The following RBMS3 variants were observed in gnomAD, a reference collection of about 807,000 sequenced individuals.
RBMS3 encodes the protein RNA binding motif single stranded interacting protein 3, also known as RNA-binding motif, single-stranded-interacting protein 3.
A neutral mutation model predicts 66.8 loss-of-function variants in RBMS3; 27 were observed. The observed-to-expected ratio is 0.40, with a 90% CI of 0.30 to 0.56. The LOEUF is 0.56. Ranked by LOEUF, RBMS3 falls within the 20% of genes least tolerant of loss-of-function variation. The pLI, the probability that RBMS3 is intolerant of heterozygous loss-of-function variation, is 0.40. For missense variants in RBMS3, 513 were observed against 549.5 expected (o/e 0.93, Z 0.66); for synonymous variants, 188 against 183.0 (o/e 1.03, Z -0.22).
chr3:29,883,838 A>T (rs2059793289), intron 7 of RBMS3, among the ~76,000 whole-genome samples: 1 of 151,994 alleles, frequency 6.6e-6, no homozygotes, highest in Non-Finnish European at 1.5e-5. Context: ...GAGATGTACA[A>T]TAGGTGTTCT....
At chr3:29,554,767 G>A (rs2046289997) in intron 3 of RBMS3, among the ~76,000 whole-genome samples, 1 of 152,116 alleles carries the variant, frequency 6.6e-6, no homozygotes. Flanking sequence ...TGAGTCATCT[G>A]GTACGGGTGG....
At chr3:29,650,778 A>G (rs1473165983) in intron 4 of RBMS3, among the ~76,000 whole-genome samples, 1 of 152,202 alleles carries the variant, frequency 6.6e-6, no homozygotes, top group Non-Finnish European at 1.5e-5. Flanking sequence ...TCTTTCAGGT[A>G]TGTTAGCTAA....
At chr3:29,672,924 G>A (rs1387057193) in intron 4 of RBMS3, among the ~76,000 whole-genome samples, 1 of 152,190 alleles carries the variant, frequency 6.6e-6, no homozygotes, top group Non-Finnish European at 1.5e-5. Flanking sequence ...TCTGCACCAA[G>A]TGGACCTAAT....
chr3:29,936,502 G>T (rs910752416), intron 11 of RBMS3, among the ~76,000 whole-genome samples: 2 of 151,980 alleles, frequency 1.3e-5, no homozygotes, highest in Non-Finnish European at 2.9e-5. Flanking sequence ...TGCAAATCTA[G>T]ACCCTTTGAC....
At chr3:29,384,694 A>G (rs1239952753) in intron 1 of RBMS3, among the ~76,000 whole-genome samples, 1 of 152,170 alleles carries the variant, frequency 6.6e-6, no homozygotes, top group Non-Finnish European at 1.5e-5. Flanking sequence ...TCTAAATATA[A>G]AGGTCTGAGA....
intron 6 of RBMS3, among the ~76,000 whole-genome samples, chr3:29,823,029 G>A (rs1172455356): frequency 6.6e-6 from 1 of 152,076 alleles, no homozygotes; most frequent in Non-Finnish European, 1.5e-5. Flanking sequence ...TAGCATTGAG[G>A]AGATAATGAA....
At chr3:29,319,915 G>C (rs1012262094) in intron 1 of RBMS3, among the ~76,000 whole-genome samples, 2 of 151,378 alleles carry the variant, frequency 1.3e-5, no homozygotes, top group Non-Finnish European at 2.9e-5. Flanking sequence ...TGAACTTTCT[G>C]TGCTAATATT....
intron 5 of RBMS3, among the ~76,000 whole-genome samples, chr3:29,761,308 A>G (rs2055676283): frequency 6.6e-6 from 1 of 152,140 alleles, no homozygotes; most frequent in Non-Finnish European, 1.5e-5. Context: ...TTTGTCAGAG[A>G]ATAATTATAG....
chr3:29,538,502 A>T (rs2149006850), intron 3 of RBMS3, among the ~76,000 whole-genome samples: 1 of 152,364 alleles, frequency 6.6e-6, no homozygotes, highest in African/African-American at 2.4e-5. Context: ...CCCTTAGCAG[A>T]TGCCAAAGTT....
chr3:29,791,492 ATG>A (rs1218701900), intron 6 of RBMS3, among the ~76,000 whole-genome samples: 3 of 150,088 alleles, frequency 2.0e-5, no homozygotes, highest in African/African-American at 7.4e-5. Flanking sequence ...TAGCTTCTCA[ATG>A]TTTTTTTCGT....
intron 10 of RBMS3, among the ~76,000 whole-genome samples, chr3:29,928,377 GTA>G (rs1408627468): frequency 7.7e-5 from 11 of 143,660 alleles, no homozygotes; most frequent in African/African-American, 2.8e-4. Flanking sequence ...TCTAAAAAAA[GTA>G]TAGAAGGAGC....
At chr3:29,305,422 C>A (rs1209374050) in intron 1 of RBMS3, among the ~76,000 whole-genome samples, 1 of 151,904 alleles carries the variant, frequency 6.6e-6, no homozygotes, top group Non-Finnish European at 1.5e-5. Context: ...GTTCTCAACA[C>A]AATGGTAGGT....
chr3:29,980,450 G>A (rs1021970098), intron 12 of RBMS3, among the ~76,000 whole-genome samples: 1 of 152,140 alleles, frequency 6.6e-6, no homozygotes, highest in African/African-American at 2.4e-5. Flanking sequence ...GATTCCATTT[G>A]TCAATTTTGG....
At chr3:29,457,015 A>G (rs537545319) in intron 2 of RBMS3, among the ~76,000 whole-genome samples, 56 of 152,288 alleles carry the variant, frequency 3.7e-4, no homozygotes, top group African/African-American at 1.3e-3. Flanking sequence ...GCCACAGGAA[A>G]AAAGCACACC....
chr3:29,843,631 T>C (rs532701286), intron 6 of RBMS3, among the ~76,000 whole-genome samples: 1 of 152,142 alleles, frequency 6.6e-6, no homozygotes, highest in Non-Finnish European at 1.5e-5. Flanking sequence ...TCTGCTATTG[T>C]TTATCTGGGG....
chr3:29,438,080 CA>C (rs984343365), intron 2 of RBMS3, among the ~76,000 whole-genome samples: 4 of 148,990 alleles, frequency 2.7e-5, no homozygotes, highest in African/African-American at 1.0e-4. Context: ...TGGCCTCTCA[CA>C]GTGCTTGTTA....
chr3:29,676,692 C>T (rs1319250884), intron 4 of RBMS3, among the ~76,000 whole-genome samples: 1 of 152,032 alleles, frequency 6.6e-6, no homozygotes, highest in East Asian at 1.9e-4. Flanking sequence ...TTTTGTCAAC[C>T]AGTAGCTTTT....
intron 1 of RBMS3, among the ~76,000 whole-genome samples, chr3:29,404,188 C>G (rs2039922061): frequency 6.6e-6 from 1 of 152,026 alleles, no homozygotes; most frequent in Non-Finnish European, 1.5e-5. Context: ...TTTTTAAGTC[C>G]TTATTCTCAG....
intron 4 of RBMS3, among the ~76,000 whole-genome samples, chr3:29,681,323 T>G (rs562029211): frequency 4.6e-5 from 7 of 152,318 alleles, no homozygotes; most frequent in African/African-American, 1.7e-4. Flanking sequence ...TGCTGACTGA[T>G]CTATAACTTT....
Sources: allele counts gnomAD v4.1 joint callset (sites outside exome capture counted in the v4.1 genomes callset), GRCh38; gene constraint gnomAD v4.1.1; transcripts MANE v1.5; gene names NCBI Gene and HGNC (gene_info 2026-07-23, HGNC 2026-07-21).